The following PBX1 variants were observed in gnomAD, a reference collection of about 807,000 sequenced individuals.
The protein encoded by PBX1 is PBX homeobox 1, also known as pre-B-cell leukemia transcription factor 1.
A neutral mutation model predicts 53.4 loss-of-function variants in PBX1; 6 were observed. That is an observed-to-expected ratio of 0.11 (90% confidence interval 0.06 to 0.22). The LOEUF (loss-of-function observed/expected upper bound fraction) is 0.22, where lower values mean the gene tolerates loss of function less well. PBX1 is among the 10% of genes least tolerant of loss of function. The probability of loss-of-function intolerance (pLI) is 1.00; values close to 1 mark genes in which losing one functional copy is unlikely to be tolerated. For missense variants in PBX1, 251 were observed against 551.4 expected (o/e 0.46, Z 5.46); for synonymous variants, 204 against 212.3 (o/e 0.96, Z 0.34).
intron 8 of PBX1, among the ~76,000 whole-genome samples, chr1:164,842,674 A>G (rs1005909416): frequency 7.2e-5 from 11 of 152,126 alleles, no homozygotes; most frequent in African/African-American, 2.2e-4. Flanking sequence ...AGAATTACCT[A>G]TATAAAACTG....
chr1:164,859,301 G>A (rs1324724976), intron 2 of PBX1, among the ~76,000 whole-genome samples: 1 of 152,140 alleles, frequency 6.6e-6, no homozygotes, highest in Non-Finnish European at 1.5e-5. Context: ...GTGGCCCCTG[G>A]AGAGCCCTGA....
chr1:164,875,516 C>A (rs1345186259), intron 2 of PBX1, among the ~76,000 whole-genome samples: 2 of 152,088 alleles, frequency 1.3e-5, no homozygotes, highest in Non-Finnish European at 2.9e-5. Context: ...CTAGGCTAGT[C>A]TCGAACTCCT....
chr1:164,602,847 G>A (rs1022321458), intron 2 of PBX1, among the ~76,000 whole-genome samples: 3 of 152,092 alleles, frequency 2.0e-5, no homozygotes, highest in Non-Finnish European at 4.4e-5. Flanking sequence ...AATGTTTGCC[G>A]TTAAACGGTT....
intron 2 of PBX1, among the ~76,000 whole-genome samples, chr1:164,605,762 A>G (rs1656504129): frequency 6.6e-6 from 1 of 152,224 alleles, no homozygotes; most frequent in Non-Finnish European, 1.5e-5. Flanking sequence ...AGCTGGTTTA[A>G]ATAAACAAAC....
chr1:164,600,994 T>A (rs1656129220), intron 2 of PBX1, among the ~76,000 whole-genome samples: 1 of 152,016 alleles, frequency 6.6e-6, no homozygotes, highest in African/African-American at 2.4e-5. Flanking sequence ...CCCAGCACTT[T>A]GGGAGGCCGA....
intron 2 of PBX1, among the ~76,000 whole-genome samples, chr1:164,631,938 T>C (rs1345190798): frequency 6.6e-6 from 1 of 152,246 alleles, no homozygotes; most frequent in African/African-American, 2.4e-5. Context: ...AGGCAGAGCC[T>C]GGGCAGCACT....
At chr1:164,668,315 C>A (rs1398275484) in intron 2 of PBX1, among the ~76,000 whole-genome samples, 1 of 152,162 alleles carries the variant, frequency 6.6e-6, no homozygotes, top group Non-Finnish European at 1.5e-5. Context: ...CCCCACCAGA[C>A]CCGATTGTGT....
intron 2 of PBX1, among the ~76,000 whole-genome samples, chr1:164,613,122 A>T (rs1375709059): frequency 6.6e-6 from 1 of 152,244 alleles, no homozygotes; most frequent in Non-Finnish European, 1.5e-5. Flanking sequence ...TTGAAAATAC[A>T]ACTAGTAGAA....
chr1:164,724,688 TTTTTTTTTTTTTTTTTTTTTTA>T (rs1420948065), intron 2 of PBX1, among the ~76,000 whole-genome samples: 1 of 119,944 alleles, frequency 8.3e-6, no homozygotes. Flanking sequence ...TTTTTTTTTT[TTTTTTTTTTTTTTTTTTTTTTA>T]GTGCCCATTC....
At chr1:164,761,602 G>T (rs1666818744) in intron 2 of PBX1, among the ~76,000 whole-genome samples, 1 of 152,242 alleles carries the variant, frequency 6.6e-6, no homozygotes, top group Admixed American at 6.5e-5. Context: ...GCGCCACCAT[G>T]CCCGGCTAAT....
chr1:164,775,980 C>A (rs1571384575), intron 2 of PBX1, among the ~76,000 whole-genome samples: 2 of 152,150 alleles, frequency 1.3e-5, no homozygotes, highest in Non-Finnish European at 1.5e-5. Context: ...GTTGAGTAAA[C>A]TTCCTCCACA....
intron 2 of PBX1, chr1:164,700,541 G>A: frequency 1.0e-6 from 1 of 985,358 alleles, no homozygotes; most frequent in Non-Finnish European, 1.2e-6. Flanking sequence ...TGACCAGAAT[G>A]TGGTGGCTTT....
At chr1:164,800,274 G>C (rs1669006451) in intron 4 of PBX1, among the ~76,000 whole-genome samples, 2 of 152,136 alleles carry the variant, frequency 1.3e-5, no homozygotes, top group African/African-American at 4.8e-5. Context: ...CATTTGCTTG[G>C]AAATTGGGAT....
At chr1:164,694,291 T>C (rs914019969) in intron 2 of PBX1, among the ~76,000 whole-genome samples, 1 of 152,188 alleles carries the variant, frequency 6.6e-6, no homozygotes, top group African/African-American at 2.4e-5. Flanking sequence ...TTAACTTCAA[T>C]GTTGCCTCCT....
chr1:164,680,348 T>C (rs1237495290), intron 2 of PBX1: 1 of 152,264 alleles, frequency 6.6e-6, no homozygotes, highest in African/African-American at 2.4e-5. Context: ...TTTACAACTT[T>C]AGAATTACAG....
intron 2 of PBX1, among the ~76,000 whole-genome samples, chr1:164,692,130 C>T (rs539146916): frequency 2.4e-4 from 37 of 152,258 alleles, no homozygotes; most frequent in Non-Finnish European, 4.6e-4. Flanking sequence ...AACCTGTATA[C>T]GTGCTTGTGT....
At chr1:164,840,288 T>C (rs933887161) in intron 8 of PBX1, among the ~76,000 whole-genome samples, 1 of 152,176 alleles carries the variant, frequency 6.6e-6, no homozygotes, top group East Asian at 1.9e-4. Flanking sequence ...GAGCACATGT[T>C]ATTCCCATAT....
rs573209860 is a variant in PBX1 at position 164,585,140 on chromosome 1, C to A, written c.265+21829C>A. On this transcript the variant is annotated intron_variant, in intron 2 of 8. Coordinates refer to ENST00000420696, the MANE Select transcript of PBX1 (RefSeq NM_002585.4). Reference sequence around the variant, plus strand: ...GGGAAAGAATGGAATGGACATCTTTCTGGGCACACTCCTCACTCCTTCCCC... The same window carrying A: ...GGGAAAGAATGGAATGGACATCTTTATGGGCACACTCCTCACTCCTTCCCC... Among the ~76,000 whole-genome samples, 13 of 152,306 alleles carry A rather than the reference C, an allele frequency of 8.5e-5. No homozygotes were observed. The South Asian group carries it at 2.5e-3, about 29-fold the overall frequency.
chr1:164,693,153 T>C (rs987905903), intron 2 of PBX1, among the ~76,000 whole-genome samples: 1 of 152,044 alleles, frequency 6.6e-6, no homozygotes, highest in Non-Finnish European at 1.5e-5. Flanking sequence ...ACAGCAGATT[T>C]AAACTACAAG....
Sources: allele counts gnomAD v4.1 joint callset (sites outside exome capture counted in the v4.1 genomes callset), GRCh38; gene constraint gnomAD v4.1.1; transcripts MANE v1.5; gene names NCBI Gene and HGNC (gene_info 2026-07-23, HGNC 2026-07-21).